The following GNL2 variants were observed in gnomAD, a reference collection of about 807,000 sequenced individuals.
GNL2 encodes the protein G protein nucleolar 2, also known as nucleolar GTP-binding protein 2.
Under a neutral mutation model 92.3 loss-of-function variants are expected in GNL2, and 51 were observed. The observed-to-expected ratio is 0.55, with a 90% confidence interval of 0.44 to 0.70. The LOEUF is 0.70. Ranked by LOEUF, GNL2 falls within the 30% of genes least tolerant of loss-of-function variation. The pLI, the probability that GNL2 is intolerant of heterozygous loss-of-function variation, is 0.00. For missense variants in GNL2, 844 were observed against 895.6 expected, an observed-to-expected ratio of 0.94 and a Z score of 0.74; for synonymous variants, 283 against 300.6, an observed-to-expected ratio of 0.94 and a Z score of 0.61.
intron 4 of GNL2, among the ~76,000 whole-genome samples, chr1:37,590,320 T>C (rs747155317): frequency 3.3e-5 from 5 of 152,266 alleles, no homozygotes; most frequent in Middle Eastern, 3.4e-3. Flanking sequence ...GTTGGTCAGG[T>C]TGGTCTCAAA....
intron 12 of GNL2, among the ~76,000 whole-genome samples, chr1:37,572,238 T>C (rs1643605479): frequency 6.6e-6 from 1 of 152,146 alleles, no homozygotes; most frequent in Non-Finnish European, 1.5e-5. Context: ...CTCCCTGTGA[T>C]ATAAATGTCA....
chr1:37,582,184 G>T, intron 8 of GNL2, 39 bp downstream of exon 8: 2 of 1,342,148 alleles, frequency 1.5e-6, no homozygotes, highest in Non-Finnish European at 2.1e-6. Flanking sequence ...CCAACTCACA[G>T]CTACACAACT....
In GNL2 at chr1:37,595,798, G is replaced by C; in HGVS notation, c.25C>G (p.Arg9Gly). 1 of 1,614,182 alleles carries C rather than the reference G, an allele frequency of 6.2e-7. No homozygotes were observed. Among genetic ancestry groups the C allele is most frequent in the Non-Finnish European group, 8.5e-7 (1 of 1,180,026 alleles). Reference protein sequence around the residue: MVKPKYKGRSTINPSKAST... With the variant: MVKPKYKGGSTINPSKAST... The stretch of plus-strand genomic sequence containing the variant: ...GCCTTGGACGGGTTGATGGTGCTCC[G>C]TCCTTTGTACTTGGGCTTCACCATC... The change falls in exon 1 of 16, where the codon CGG (arginine) becomes GGG (glycine). Residue 9 changes from arginine to glycine, a missense_variant. Physicochemically the swap from Arg to Gly is moderately radical, Grantham distance 125. Transcript: ENST00000373062.
At chr1:37,591,625 C>G (rs57991956) in intron 3 of GNL2, among the ~76,000 whole-genome samples, 1 of 151,728 alleles carries the variant, frequency 6.6e-6, no homozygotes, top group Non-Finnish European at 1.5e-5. Context: ...CCTGCCCCAG[C>G]CTCCCAAGTA....
chr1:37,582,406 G>A (rs1379468441), intron 7 of GNL2, 70 bp from the exon 8 acceptor site: 2 of 878,724 alleles, frequency 2.3e-6, no homozygotes, highest in Non-Finnish European at 1.8e-6. Context: ...AAGAATCAGA[G>A]CTTGAATTAC....
chr1:37,588,072 G>A (rs1021606507), intron 4 of GNL2, among the ~76,000 whole-genome samples: 1 of 151,980 alleles, frequency 6.6e-6, no homozygotes, highest in African/African-American at 2.4e-5. Flanking sequence ...TTTAGGTAAC[G>A]TTTTTATTAA....
chr1:37,582,361 T>C (rs746034021), intron 7 of GNL2, 25 bp from the exon 8 acceptor site: 3 of 1,427,538 alleles, frequency 2.1e-6, no homozygotes, highest in Non-Finnish European at 2.9e-6. Context: ...GAAAACATTT[T>C]GGTAAACTGC....
At chr1:37,578,748 T>C (rs1355654929) in intron 8 of GNL2, among the ~76,000 whole-genome samples, 2 of 152,140 alleles carry the variant, frequency 1.3e-5, no homozygotes, top group South Asian at 2.1e-4. Context: ...TTTGTAGAGA[T>C]GGAGTTTTGC....
At position 37,595,900 on chromosome 1, in the gene GNL2, C is replaced by A. The variant is rs558326016; in HGVS notation, c.-78G>T. On this transcript the variant is annotated 5_prime_UTR_variant, in exon 1 of 16. Coordinates refer to ENST00000373062, the MANE Select transcript of GNL2 (RefSeq NM_013285.3). ...AAACTTTTATGTTCCCAAGCCCGGC[C>A]GAAGACACCCGCCTGAACCACGCCG... The A allele has an allele frequency of 1.6e-6, 2 of 1,229,744 alleles. No individual in the cohort carries two copies. The highest frequency in any genetic ancestry group is 1.2e-5 in the South Asian group (1 of 82,008). 76.2% of individuals were successfully genotyped at this position (1,229,744 alleles called of 1,614,324 possible).
At chr1:37,567,871 C>A in intron 14 of GNL2, 107 bp from the exon 15 acceptor site, 1 of 836,138 alleles carries the variant, frequency 1.2e-6, no homozygotes, top group Non-Finnish European at 2.0e-6. Context: ...CCAATGTGGA[C>A]AGAGCAGGTG....
chr1:37,587,385 T>C lies in GNL2; in HGVS notation c.495A>G (p.Glu165=). 6.2e-7 allele frequency: 1 copy of C among 1,613,704 alleles called. No homozygotes were observed. The highest frequency in any genetic ancestry group is 8.5e-7 in the Non-Finnish European group (1 of 1,179,576). ...AGCTCTCAGTGGACATTTCAGCATT[T>C]TCGATAAGAGACTGCATATCACTTG... ...LFASDMQSLI[E]NAEMSTESYD... Residue 165 remains glutamate, a synonymous_variant, in exon 5 of 16, where the codon GAA becomes GAG. Transcript: ENST00000373062.
chr1:37,579,435 T>A (rs1039411533), intron 8 of GNL2, among the ~76,000 whole-genome samples: 8 of 151,664 alleles, frequency 5.3e-5, no homozygotes, highest in African/African-American at 1.9e-4. Context: ...TAATCCCAGC[T>A]ACTCGGGAGG....
chr1:37,574,438 G>A lies in GNL2; in HGVS notation c.1321C>T (p.Gln441Ter). 2.5e-6 allele frequency: 4 copies of A among 1,613,824 alleles called. No individual in the cohort carries two copies. The highest frequency in any genetic ancestry group is 2.2e-5 in the South Asian group (2 of 91,058). Residue 441 changes from glutamine (Q) to a stop codon, truncating the protein, a stop_gained, in exon 12 of 16, where the codon CAG becomes TAG. Transcript: ENST00000373062. LOFTEE classifies it high-confidence loss of function. ...TTGAGGACCATCTTACCCACAGTCT[G>A]CAAGTCGGGCTCTCCACCCTGAAAG... ...KLLKGGEPDLQTVGKMVLNDW... is the reference protein window; with the variant it reads ...KLLKGGEPDL
At chr1:37,582,152 C>T in intron 8 of GNL2, 71 bp downstream of exon 8, 1 of 1,027,904 alleles carries the variant, frequency 9.7e-7, no homozygotes, top group Non-Finnish European at 1.4e-6. Context: ...TCTGCTATGC[C>T]ATGGCAAGAC....
chr1:37,576,316 C>A, intron 9 of GNL2, 112 bp downstream of exon 9: 1 of 935,024 alleles, frequency 1.1e-6, no homozygotes, highest in Non-Finnish European at 1.6e-6. Context: ...GAGCTAAACT[C>A]CTAGTGGTGG....
chr1:37,592,896 ACTT>A, intron 2 of GNL2, 90 bp from the exon 3 acceptor site: 1 of 756,894 alleles, frequency 1.3e-6, no homozygotes, highest in Non-Finnish European at 2.4e-6. Context: ...CATCAAAAGG[ACTT>A]CTTACTTTGG....
chr1:37,593,784 T>C lies in GNL2; in HGVS notation c.127A>G (p.Met43Val), dbSNP rs1408059145. The C allele has an allele frequency of 6.2e-7, 1 of 1,614,042 alleles. No homozygotes were observed. The highest frequency in any genetic ancestry group is 1.7e-5 in the Admixed American group (1 of 60,018). ...CACCTGCGCTCCTTTTGCCTATACATATTCAGGCGCCGGATGGTGGCCCGG... is the reference window on the plus strand; with the variant it reads ...CACCTGCGCTCCTTTTGCCTATACACATTCAGGCGCCGGATGGTGGCCCGG... ...RDRATIRRLN[M>V]YRQKERRNSR... The change falls in exon 2 of 16, where the codon ATG (methionine) becomes GTG (valine). Residue 43 changes from methionine to valine, a missense_variant. Met to Val is a conservative substitution (Grantham distance 21). Coordinates refer to ENST00000373062, the MANE Select transcript of GNL2 (RefSeq NM_013285.3).
At chr1:37,588,296 CT>C (rs1643868623) in intron 4 of GNL2, among the ~76,000 whole-genome samples, 2 of 151,946 alleles carry the variant, frequency 1.3e-5, no homozygotes, top group Non-Finnish European at 2.9e-5. Flanking sequence ...AAAAATCACC[CT>C]TTTCCCCCTA....
At chr1:37,595,353 A>C (rs769311498) in intron 1 of GNL2, among the ~76,000 whole-genome samples, 1 of 152,218 alleles carries the variant, frequency 6.6e-6, no homozygotes, top group African/African-American at 2.4e-5. Flanking sequence ...CAAAACTATA[A>C]GCCCTTTCTC....
Sources: gnomAD v4.1 joint callset for allele counts (sites outside exome capture counted in the v4.1 genomes callset) on GRCh38, gnomAD v4.1.1 for gene constraint, MANE v1.5 for transcripts, NCBI Gene and HGNC (gene_info 2026-07-23, HGNC 2026-07-21) for gene names.